Variants in CROT observed in about 807,000 individuals in gnomAD.
CROT encodes peroxisomal carnitine O-octanoyltransferase.
In CROT, 84 loss-of-function variants were observed where a neutral mutation model predicts 89.2. That is an observed-to-expected ratio of 0.94 (90% CI 0.79 to 1.13). The LOEUF is 1.13. CROT is among the 50% of genes most tolerant of loss of function. The pLI, the probability that CROT is intolerant of heterozygous loss-of-function variation, is 0.00. For synonymous variants in CROT, 212 were observed against 239.5 expected (o/e 0.89, Z 1.06); for missense variants, 711 against 727.8 (o/e 0.98, Z 0.27).
chr7:87,375,390 A>G (rs1369340421), intron 7 of CROT: 2 of 433,384 alleles, frequency 4.6e-6, no homozygotes, highest in Non-Finnish European at 8.3e-6. Context: ...GCGAAACTAA[A>G]TTTAGCCAAT....
chr7:87,375,463 A>T, intron 7 of CROT, 169 bp from the exon 8 acceptor site: 1 of 559,922 alleles, frequency 1.8e-6, no homozygotes, highest in Non-Finnish European at 3.2e-6. Flanking sequence ...AATAGAACAC[A>T]ATCACTTAAA....
intron 10 of CROT, among the ~76,000 whole-genome samples, chr7:87,379,229 G>C (rs2115982033): frequency 6.6e-6 from 1 of 152,180 alleles, no homozygotes; most frequent in East Asian, 1.9e-4. Flanking sequence ...CCTCTTAACA[G>C]TATTTTCCTC....
chr7:87,372,007 CAAA>C (rs61300907), intron 7 of CROT, among the ~76,000 whole-genome samples: 28 of 124,002 alleles, frequency 2.3e-4, no homozygotes, highest in Admixed American at 3.4e-4. Flanking sequence ...AAAAAAAAAA[CAAA>C]AAAAAAAAAA....
At chr7:87,385,884 T>C (rs1807169076) in intron 13 of CROT, among the ~76,000 whole-genome samples, 1 of 152,228 alleles carries the variant, frequency 6.6e-6, no homozygotes. Flanking sequence ...ATTTTTTTTA[T>C]CATGAAGGTA....
At chr7:87,397,904 T>C (rs1807594962) in intron 17 of CROT, among the ~76,000 whole-genome samples, 1 of 152,202 alleles carries the variant, frequency 6.6e-6, no homozygotes, top group Admixed American at 6.5e-5. Context: ...AACTTCTGTC[T>C]GTAAAGTGGA....
chr7:87,375,753 G>A, intron 8 of CROT, 28 bp downstream of exon 8: 1 of 1,612,194 alleles, frequency 6.2e-7, no homozygotes, highest in Non-Finnish European at 8.5e-7. Context: ...TCTTAACGAA[G>A]CTTTTCTCTA....
chr7:87,385,031 A>G (rs542236537), intron 13 of CROT, among the ~76,000 whole-genome samples: 1 of 151,974 alleles, frequency 6.6e-6, no homozygotes. Context: ...TGGGTTCTCT[A>G]TTCTGTTCCA....
At chr7:87,391,767 A>T in intron 14 of CROT, 55 bp downstream of exon 14, 1 of 1,559,120 alleles carries the variant, frequency 6.4e-7, no homozygotes, top group Non-Finnish European at 8.7e-7. Flanking sequence ...TTCTAAAGGA[A>T]CCGTGGTCTT....
chr7:87,398,472 T>C (rs1807624203), intron 17 of CROT, 52 bp from the exon 18 acceptor site: 9 of 1,603,662 alleles, frequency 5.6e-6, no homozygotes, highest in Non-Finnish European at 6.8e-6. Flanking sequence ...GTATTCACCA[T>C]CACTATTTGG....
Position 87,361,732 on chromosome 7 carries a change from A to C in CROT, c.427A>C (p.Lys143Gln). Residue 143 changes from lysine (K) to glutamine (Q), a missense_variant, in exon 6 of 18, where the codon AAA becomes CAA. Physicochemically the swap from Lys to Gln is moderately conservative, Grantham distance 53 (BLOSUM62 1). Coordinates refer to ENST00000331536, the MANE Select transcript of CROT (RefSeq NM_021151.4). ...LNYWQLLRKE[K>Q]VPVHKVGNTP... is the part of the protein sequence containing the mutation. ...TCAAAATCCTTTTTTTAATAGAGAA[A>C]AAGTGCCTGTTCATAAAGTTGGAAA... 1 of 1,574,722 alleles carries C rather than the reference A, an allele frequency of 6.4e-7. No individual in the cohort carries two copies. Among genetic ancestry groups the C allele is most frequent in the Non-Finnish European group, 8.6e-7 (1 of 1,166,402 alleles).
chr7:87,388,737 CA>C (rs1807261699), intron 13 of CROT, among the ~76,000 whole-genome samples: 1 of 152,110 alleles, frequency 6.6e-6, no homozygotes, highest in Non-Finnish European at 1.5e-5. Context: ...ATGACTAAAA[CA>C]ACAAAATCAA....
chr7:87,397,312 C>T (rs574584845), intron 17 of CROT, among the ~76,000 whole-genome samples: 3 of 150,832 alleles, frequency 2.0e-5, no homozygotes, highest in African/African-American at 7.3e-5. Flanking sequence ...GATCATGCCA[C>T]TGCACTCCAG....
intron 10 of CROT, 53 bp from the exon 11 acceptor site, chr7:87,381,857 C>G (rs1319095778): frequency 7.9e-7 from 1 of 1,261,482 alleles, no homozygotes; most frequent in East Asian, 2.3e-5. Context: ...AATATTGGGT[C>G]AAGTTTTAAG....
chr7:87,350,949 G>A (rs867049996), intron 3 of CROT, among the ~76,000 whole-genome samples: 1 of 151,784 alleles, frequency 6.6e-6, no homozygotes, highest in South Asian at 2.1e-4. Flanking sequence ...TGAAAAAGGT[G>A]TTTTTTTTGT....
At chr7:87,361,018 G>A (rs955870809) in intron 4 of CROT, among the ~76,000 whole-genome samples, 7 of 152,070 alleles carry the variant, frequency 4.6e-5, no homozygotes, top group Admixed American at 4.6e-4. Context: ...ACCAAGGCTG[G>A]AGTGCAGTGG....
intron 13 of CROT, among the ~76,000 whole-genome samples, chr7:87,388,373 CTG>C (rs1003913624): frequency 2.0e-5 from 3 of 152,258 alleles, no homozygotes; most frequent in Non-Finnish European, 4.4e-5. Context: ...TGACTTCAAA[CTG>C]TACTACAAGG....
chr7:87,382,339 G>A, intron 12 of CROT, 74 bp from the exon 13 acceptor site: 2 of 1,496,400 alleles, frequency 1.3e-6, no homozygotes, highest in Admixed American at 3.8e-5. Flanking sequence ...TTTAATGCAG[G>A]TGATAATTTG....
chr7:87,355,137 T>C (rs1191346104), intron 3 of CROT, among the ~76,000 whole-genome samples: 1 of 152,114 alleles, frequency 6.6e-6, no homozygotes, highest in Non-Finnish European at 1.5e-5. Context: ...CCTCGCTCTC[T>C]TGCCCAGGCT....
intron 2 of CROT, among the ~76,000 whole-genome samples, chr7:87,348,532 A>G (rs1805767143): frequency 6.6e-6 from 1 of 152,196 alleles, no homozygotes; most frequent in Non-Finnish European, 1.5e-5. Context: ...ATCCTTTTCT[A>G]TACATCAAAT....
Sources: gnomAD v4.1 joint callset for allele counts (sites outside exome capture counted in the v4.1 genomes callset) on GRCh38, gnomAD v4.1.1 for gene constraint, MANE v1.5 for transcripts, NCBI Gene and HGNC (gene_info 2026-07-23, HGNC 2026-07-21) for gene names.